Variants in PLCB4 observed in about 807,000 individuals in gnomAD.
PLCB4 encodes phospholipase C beta 4, also known as 1-phosphatidylinositol 4,5-bisphosphate phosphodiesterase beta-4.
A neutral mutation model predicts 178.8 loss-of-function variants in PLCB4; 77 were observed. The observed-to-expected ratio is 0.43, with a 90% CI of 0.36 to 0.52. The LOEUF is 0.52. Among genes scored for constraint, PLCB4 ranks in the 20% least tolerant of loss-of-function variants. The pLI is 0.00. For missense variants in PLCB4, 1,024 were observed against 1,453.4 expected, an observed-to-expected ratio of 0.70 and a Z score of 4.80; for synonymous variants, 496 against 490.8, an observed-to-expected ratio of 1.01 and a Z score of -0.14.
At chr20:9,327,388 G>A (rs960741093) in intron 4 of PLCB4, among the ~76,000 whole-genome samples, 22 of 150,542 alleles carry the variant, frequency 1.5e-4, no homozygotes, top group Admixed American at 4.0e-4. Context: ...TTGAGGCTGC[G>A]GTGCTATGAT....
At chr20:9,336,190 T>A (rs1353264393) in intron 4 of PLCB4, among the ~76,000 whole-genome samples, 2 of 152,108 alleles carry the variant, frequency 1.3e-5, no homozygotes, top group African/African-American at 4.8e-5. Flanking sequence ...AACATGTAGA[T>A]TTGTTGAAGT....
At chr20:9,386,241 A>G (rs1033769096) in intron 14 of PLCB4, among the ~76,000 whole-genome samples, 1 of 151,282 alleles carries the variant, frequency 6.6e-6, no homozygotes, top group South Asian at 2.1e-4. Flanking sequence ...CAACGGAGGG[A>G]GACCGAAGAA....
rs2043274886 is a variant in PLCB4 at position 9,459,696 on chromosome 20, C to T, written c.3134C>T (p.Ala1045Val). The change falls in exon 35 of 40, where the codon GCT becomes GTT. Residue 1045 changes from alanine (A) to valine (V), a missense_variant. Ala to Val is a moderately conservative substitution (Grantham distance 64). This residue lies in a region of PLCB4 where 264 missense variants were observed against 283.2 expected (regional missense o/e 0.93). Coordinates refer to ENST00000378473, the MANE Select transcript of PLCB4 (RefSeq NM_001377142.1). Reference sequence around the variant, plus strand: ...TCAGAAATGATCAATACCCACAGTGCTGAGGAGCAAGAAATCCGAGACCTG... The same window carrying T: ...TCAGAAATGATCAATACCCACAGTGTTGAGGAGCAAGAAATCCGAGACCTG... The part of the protein sequence containing the change: ...EWSEMINTHS[A>V]EEQEIRDLHL... The T allele has an allele frequency of 6.2e-7, 1 of 1,612,734 alleles. No individual in the cohort carries two copies. Among genetic ancestry groups the T allele is most frequent in the Non-Finnish European group, 8.5e-7 (1 of 1,178,904 alleles).
chr20:9,342,660 T>G (rs1450870143), intron 7 of PLCB4, among the ~76,000 whole-genome samples: 11 of 147,758 alleles, frequency 7.4e-5, no homozygotes, highest in South Asian at 2.1e-4. Context: ...TTTGGGGTTT[T>G]TTTTTTTTTT....
chr20:9,355,197 A>G (rs1317084805), intron 7 of PLCB4, among the ~76,000 whole-genome samples: 1 of 152,166 alleles, frequency 6.6e-6, no homozygotes, highest in Non-Finnish European at 1.5e-5. Context: ...TCAAAGTTAA[A>G]TACTGACAAT....
rs575742408 is a variant in PLCB4, at chr20:9,401,689, A to T, written c.1611+99A>T. 412 of 759,128 alleles carry T rather than the reference A, an allele frequency of 5.4e-4. 7 individuals carry two copies. The South Asian group carries it at 5.5e-3, about 10-fold the overall frequency. The allele number at this position is 759,128 out of a possible 1,614,324, so 47.0% of individuals were successfully genotyped here. On this transcript the variant is annotated intron_variant, in intron 20 of 39. Transcript: ENST00000378473. ...CCACAAGAGAATAAAGTAACCTATA[A>T]TTCCCCTTCTAAATTGCTTAGGATA...
At chr20:9,438,307 A>G (rs1044893030) in intron 30 of PLCB4, among the ~76,000 whole-genome samples, 3 of 151,796 alleles carry the variant, frequency 2.0e-5, no homozygotes, top group Middle Eastern at 3.4e-3. Flanking sequence ...CGGAGCTTGC[A>G]GTGAGCTGAG....
At chr20:9,234,289 A>C (rs954967926) in intron 3 of PLCB4, among the ~76,000 whole-genome samples, 2 of 152,136 alleles carry the variant, frequency 1.3e-5, no homozygotes, top group Non-Finnish European at 2.9e-5. Flanking sequence ...ATGGCAAGTA[A>C]GCAGTTGGAT....
chr20:9,272,304 T>C (rs2094411782), intron 3 of PLCB4, among the ~76,000 whole-genome samples: 1 of 152,098 alleles, frequency 6.6e-6, no homozygotes, highest in Non-Finnish European at 1.5e-5. Context: ...CACTTGAAAA[T>C]AATTTGAAGA....
chr20:9,378,947 G>A (rs947371572), intron 12 of PLCB4, among the ~76,000 whole-genome samples: 4 of 152,062 alleles, frequency 2.6e-5, no homozygotes, highest in African/African-American at 9.7e-5. Flanking sequence ...ACTTTTAACA[G>A]TTGCTTTTTA....
At chr20:9,083,016 T>G (rs907679801) in intron 1 of PLCB4, among the ~76,000 whole-genome samples, 1 of 152,182 alleles carries the variant, frequency 6.6e-6, no homozygotes, top group Non-Finnish European at 1.5e-5. Context: ...TCCATAAAGA[T>G]TGATGATCAG....
chr20:9,454,427 CCT>C (rs1193850799), intron 33 of PLCB4, among the ~76,000 whole-genome samples: 2 of 152,128 alleles, frequency 1.3e-5, no homozygotes, highest in Non-Finnish European at 2.9e-5. Flanking sequence ...ATTTTTCCTG[CCT>C]TTGACCTTCT....
At chr20:9,326,800 AC>A (rs1159590676) in intron 4 of PLCB4, among the ~76,000 whole-genome samples, 3 of 152,018 alleles carry the variant, frequency 2.0e-5, no homozygotes, top group African/African-American at 7.2e-5. Context: ...CTGTGCAGAA[AC>A]CACATTTTCA....
intron 28 of PLCB4, 46 bp from the exon 29 acceptor site, chr20:9,435,514 A>C: frequency 9.4e-7 from 1 of 1,062,962 alleles, no homozygotes; most frequent in Admixed American, 1.8e-5. Flanking sequence ...GAATATTTTC[A>C]GTAAAACAGA....
At chr20:9,098,129 A>C (rs2090990049) in intron 2 of PLCB4, among the ~76,000 whole-genome samples, 1 of 152,132 alleles carries the variant, frequency 6.6e-6, no homozygotes, top group Non-Finnish European at 1.5e-5. Context: ...TTTTTTTCTC[A>C]GATTATTTAT....
chr20:9,268,653 C>T (rs952787296), intron 3 of PLCB4, among the ~76,000 whole-genome samples: 6 of 152,022 alleles, frequency 3.9e-5, no homozygotes, highest in African/African-American at 7.2e-5. Context: ...ACAAGGGGGA[C>T]GATGTTAAGG....
At chr20:9,453,540 G>A (rs2042894943) in intron 33 of PLCB4, 78 bp downstream of exon 33, 1 of 768,868 alleles carries the variant, frequency 1.3e-6, no homozygotes, top group South Asian at 1.7e-5. Context: ...CTGCTGTTTA[G>A]GTCAAGGAAG....
At chr20:9,249,513 G>A (rs1320137825) in intron 3 of PLCB4, among the ~76,000 whole-genome samples, 1 of 152,000 alleles carries the variant, frequency 6.6e-6, no homozygotes, top group Non-Finnish European at 1.5e-5. Context: ...ACAGGGCCTT[G>A]CTATGTTGCC....
chr20:9,361,442 C>G (rs1381859962), intron 7 of PLCB4, among the ~76,000 whole-genome samples: 1 of 151,994 alleles, frequency 6.6e-6, no homozygotes, highest in Non-Finnish European at 1.5e-5. Context: ...ATCACAGAGA[C>G]AGAAAGGAGA....
Sources: gnomAD v4.1 joint callset for allele counts (sites outside exome capture counted in the v4.1 genomes callset) on GRCh38, gnomAD v4.1.1 for gene constraint, gnomAD v4.1.1 regional missense constraint, MANE v1.5 for transcripts, NCBI Gene and HGNC (gene_info 2026-07-23, HGNC 2026-07-21) for gene names.